The following STARD13 variants were observed in gnomAD, a reference collection of about 807,000 sequenced individuals.
The protein encoded by STARD13 is StAR related lipid transfer domain containing 13, also known as stAR-related lipid transfer protein 13.
In STARD13, 62 loss-of-function variants were observed where a neutral mutation model predicts 106.4. The observed-to-expected ratio is 0.58, with a 90% CI of 0.48 to 0.72. The LOEUF (loss-of-function observed/expected upper bound fraction) is 0.72. Ranked by LOEUF, STARD13 falls within the 30% of genes least tolerant of loss-of-function variation. The pLI is 0.00. For missense variants in STARD13, 1,387 were observed against 1,424.0 expected, an observed-to-expected ratio of 0.97 and a Z score of 0.42; for synonymous variants, 565 against 553.0, an observed-to-expected ratio of 1.02 and a Z score of -0.31.
chr13:33,645,368 A>C, the STARD13 span, among the ~76,000 whole-genome samples: 1 of 152,186 alleles, frequency 6.6e-6, no homozygotes, highest in Non-Finnish European at 1.5e-5. Context: ...ACAGACAGCC[A>C]AGCTACCAGA....
the STARD13 span, among the ~76,000 whole-genome samples, chr13:33,525,472 G>C: frequency 6.6e-6 from 1 of 151,842 alleles, no homozygotes; most frequent in African/African-American, 2.4e-5. Context: ...ATTTCTGAAG[G>C]TTAACTATGC....
chr13:33,454,737 AT>A, the STARD13 span, among the ~76,000 whole-genome samples: 1 of 152,182 alleles, frequency 6.6e-6, no homozygotes, highest in South Asian at 2.1e-4. Context: ...GCATGCTTAG[AT>A]TTGTGATATA....
At chr13:33,444,364 C>T in the STARD13 span, among the ~76,000 whole-genome samples, 1 of 152,174 alleles carries the variant, frequency 6.6e-6, no homozygotes, top group African/African-American at 2.4e-5. Context: ...ATGGAAAAAA[C>T]ATGACTGTAG....
chr13:33,264,047 T>A (rs1037493752), intron 1 of STARD13, among the ~76,000 whole-genome samples: 11 of 152,308 alleles, frequency 7.2e-5, no homozygotes, highest in African/African-American at 2.6e-4. Context: ...GAAGGAAGCC[T>A]GGGCAACCAC....
At chr13:33,553,558 TA>T in the STARD13 span, among the ~76,000 whole-genome samples, 1 of 151,306 alleles carries the variant, frequency 6.6e-6, no homozygotes, top group African/African-American at 2.4e-5. Context: ...TAAATATTTA[TA>T]ATTTACAATT....
At chr13:33,415,752 G>A in the STARD13 span, among the ~76,000 whole-genome samples, 1 of 152,008 alleles carries the variant, frequency 6.6e-6, no homozygotes, top group Non-Finnish European at 1.5e-5. Flanking sequence ...AAGTGCCTCT[G>A]GATTTGCAAC....
Position 33,332,682 on chromosome 13 carries a change from C to A in STARD13, c.124+17608G>T, listed in dbSNP as rs183309059. On this transcript the variant is annotated intron_variant, in intron 1 of 5. Coordinates refer to the STARD13 transcript ENST00000567873. ...AGAGCAGCCCACACCACCTGAGACA[C>A]CTTTTCTGTTCATTGTATCCCAAAT... Among the ~76,000 whole-genome samples, 47 of 152,322 alleles carry A rather than the reference C, an allele frequency of 3.1e-4. 1 individual carries two copies. The highest frequency in any genetic ancestry group is 1.1e-3 in the African/African-American group (44 of 41,570).
At chr13:33,460,002 T>C in the STARD13 span, among the ~76,000 whole-genome samples, 2 of 152,190 alleles carry the variant, frequency 1.3e-5, no homozygotes, top group African/African-American at 4.8e-5. Context: ...TGTTAAGTAA[T>C]TCCTTTATAA....
At chr13:33,370,619 C>CTTTTTTTTTTTTT in the STARD13 span, among the ~76,000 whole-genome samples, 7 of 131,608 alleles carry the variant, frequency 5.3e-5, no homozygotes, top group South Asian at 2.3e-4. Flanking sequence ...TTCTTTCTTT[C>CTTTTTTTTTTTTT]TTTTTTTTTT....
chr13:33,264,107 G>A (rs146627724), intron 1 of STARD13, among the ~76,000 whole-genome samples: 103 of 152,316 alleles, frequency 6.8e-4, no homozygotes, highest in African/African-American at 2.3e-3. Context: ...GGTCCTGACC[G>A]AGAGGCAGCA....
chr13:33,581,199 A>G, the STARD13 span, among the ~76,000 whole-genome samples: 2 of 152,210 alleles, frequency 1.3e-5, no homozygotes, highest in African/African-American at 2.4e-5. Context: ...TCAATCCTTT[A>G]TTAGAACTCT....
chr13:33,561,959 A>G, the STARD13 span, among the ~76,000 whole-genome samples: 3 of 147,058 alleles, frequency 2.0e-5, no homozygotes, highest in Non-Finnish European at 3.0e-5. Context: ...ATTTTTTTAA[A>G]AATTTAGCAG....
At chr13:33,133,779 A>T (rs527609651) in intron 4 of STARD13, among the ~76,000 whole-genome samples, 29 of 152,198 alleles carry the variant, frequency 1.9e-4, no homozygotes, top group African/African-American at 5.8e-4. Flanking sequence ...TCACTTGACA[A>T]CCTACCAAGG....
At chr13:33,642,369 G>A in the STARD13 span, among the ~76,000 whole-genome samples, 3 of 152,244 alleles carry the variant, frequency 2.0e-5, no homozygotes, top group Non-Finnish European at 4.4e-5. Context: ...GAAGTTTCAA[G>A]ACAAAGAGAA....
At chr13:33,425,427 C>G in the STARD13 span, among the ~76,000 whole-genome samples, 1 of 152,152 alleles carries the variant, frequency 6.6e-6, no homozygotes, top group Non-Finnish European at 1.5e-5. Flanking sequence ...CCCTGAAGGG[C>G]CAGGGTGCTC....
At chr13:33,114,255 G>C (rs1174039180) in intron 8 of STARD13, among the ~76,000 whole-genome samples, 1 of 152,208 alleles carries the variant, frequency 6.6e-6, no homozygotes, top group Admixed American at 6.5e-5. Flanking sequence ...GGGCTGAGGT[G>C]TGACCTTCTG....
the STARD13 span, among the ~76,000 whole-genome samples, chr13:33,408,876 G>A: frequency 1.1e-3 from 160 of 151,756 alleles, no homozygotes; most frequent in Non-Finnish European, 1.9e-3. Flanking sequence ...TCTCTTTCCC[G>A]AGATATCGGG....
chr13:33,565,936 G>T, the STARD13 span, among the ~76,000 whole-genome samples: 21 of 148,498 alleles, frequency 1.4e-4, 3 homozygotes, highest in Admixed American at 1.4e-3. Flanking sequence ...ACCTATATCT[G>T]TAAAATAACT....
chr13:33,252,586 C>T (rs1372823492), intron 1 of STARD13, among the ~76,000 whole-genome samples: 1 of 152,184 alleles, frequency 6.6e-6, no homozygotes, highest in Non-Finnish European at 1.5e-5. Context: ...AATGTTGAAG[C>T]CGTCAGAGGG....
Sources: gnomAD v4.1 joint callset for allele counts (sites outside exome capture counted in the v4.1 genomes callset) on GRCh38, gnomAD v4.1.1 for gene constraint, MANE v1.5 for transcripts, NCBI Gene and HGNC (gene_info 2026-07-23, HGNC 2026-07-21) for gene names.